The following PALLD variants were observed in gnomAD, a reference collection of about 807,000 sequenced individuals.
PALLD encodes the protein palladin.
In PALLD, 61 loss-of-function variants were observed where a neutral mutation model predicts 123.5. The observed-to-expected ratio is 0.49, with a 90% CI of 0.40 to 0.61. PALLD has a LOEUF of 0.61. PALLD is among the 20% of genes least tolerant of loss of function. PALLD has a pLI of 0.00. For synonymous variants in PALLD, 465 were observed against 496.4 expected (o/e 0.94, Z 0.84); for missense variants, 1,273 against 1,377.0 (o/e 0.92, Z 1.20).
chr4:168,503,655 AAAAAAAG>A (rs1390755983), intron 1 of PALLD, among the ~76,000 whole-genome samples: 3 of 152,118 alleles, frequency 2.0e-5, no homozygotes, highest in African/African-American at 7.2e-5. Context: ...TCAAAAAAAA[AAAAAAAG>A]AAAAAGAAAA....
rs773573348 is a variant in PALLD, at chr4:168,709,119, C to T, written c.1593C>T (p.Thr531=). Residue 531 remains threonine (T), a synonymous_variant, in exon 9 of 22, where the codon ACC becomes ACT. Coordinates refer to ENST00000505667, the MANE Select transcript of PALLD (RefSeq NM_001166108.2). ...CSARNDYGSA[T]STAQLVVTSA... The stretch of plus-strand genomic sequence containing the variant: ...CAAGAAATGATTATGGATCAGCAAC[C>T]AGCACTGCCCAGCTGGTTGTCACCT... The T allele has an allele frequency of 6.2e-7, 1 of 1,613,882 alleles. No homozygotes were observed. The highest frequency in any genetic ancestry group is 1.7e-5 in the Admixed American group (1 of 60,022).
intron 3 of PALLD, among the ~76,000 whole-genome samples, chr4:168,674,613 C>T (rs576630193): frequency 1.3e-5 from 2 of 152,214 alleles, no homozygotes; most frequent in African/African-American, 4.8e-5. Context: ...CAATCAGATG[C>T]GGGCCAGGAG....
chr4:168,802,643 A>G (rs2150689172), intron 10 of PALLD, among the ~76,000 whole-genome samples: 1 of 152,320 alleles, frequency 6.6e-6, no homozygotes, highest in Admixed American at 6.5e-5. Context: ...ATAAAAAGGA[A>G]CTATGCTAAA....
chr4:168,753,600 T>C (rs1731365557), intron 10 of PALLD, among the ~76,000 whole-genome samples: 2 of 152,116 alleles, frequency 1.3e-5, no homozygotes, highest in African/African-American at 4.8e-5. Flanking sequence ...AGTGTGTCAC[T>C]TCCAAGGCTG....
chr4:168,632,848 C>T (rs558842357), intron 2 of PALLD, among the ~76,000 whole-genome samples: 2 of 152,284 alleles, frequency 1.3e-5, no homozygotes, highest in South Asian at 2.1e-4. Flanking sequence ...ATTTGCATTA[C>T]AAGCATAGAG....
At chr4:168,549,553 G>A (rs1266456538) in intron 2 of PALLD, among the ~76,000 whole-genome samples, 1 of 151,920 alleles carries the variant, frequency 6.6e-6, no homozygotes, top group Non-Finnish European at 1.5e-5. Context: ...TAGTACTGAA[G>A]GATCTTGACA....
chr4:168,512,647 G>T (rs1028863035), intron 2 of PALLD, among the ~76,000 whole-genome samples: 6 of 152,116 alleles, frequency 3.9e-5, no homozygotes, highest in Non-Finnish European at 8.8e-5. Context: ...GACTTGAGAA[G>T]GCAAAGAGCA....
chr4:168,656,114 C>A (rs1235389956), intron 2 of PALLD, among the ~76,000 whole-genome samples: 3 of 152,104 alleles, frequency 2.0e-5, no homozygotes, highest in African/African-American at 7.2e-5. Context: ...GGAATGTAAT[C>A]CAAGTTACAA....
intron 2 of PALLD, among the ~76,000 whole-genome samples, chr4:168,519,593 T>C (rs1763333251): frequency 6.6e-6 from 1 of 152,220 alleles, no homozygotes; most frequent in Non-Finnish European, 1.5e-5. Context: ...GGATCTTTTA[T>C]GGTATAGTCT....
At chr4:168,688,398 G>A (rs1782288366) in intron 6 of PALLD, among the ~76,000 whole-genome samples, 1 of 152,184 alleles carries the variant, frequency 6.6e-6, no homozygotes, top group Admixed American at 6.5e-5. Flanking sequence ...CAGGACTGTG[G>A]GTAGCATGGA....
At chr4:168,602,158 G>A (rs187767811) in intron 2 of PALLD, among the ~76,000 whole-genome samples, 17 of 152,282 alleles carry the variant, frequency 1.1e-4, no homozygotes, top group Admixed American at 3.9e-4. Flanking sequence ...GCAACTAAGC[G>A]TCAAAAACCC....
At chr4:168,696,813 G>A (rs1783170164) in intron 8 of PALLD, among the ~76,000 whole-genome samples, 1 of 152,282 alleles carries the variant, frequency 6.6e-6, no homozygotes, top group East Asian at 1.9e-4. Flanking sequence ...ATGTAAGAGA[G>A]AAAAGGCAAC....
chr4:168,733,852 A>T lies in PALLD; in HGVS notation c.1964+21929A>T, dbSNP rs1173989572. Among the ~76,000 whole-genome samples the T allele has an allele frequency of 3.3e-5, 5 of 152,178 alleles. No individual in the cohort carries two copies. In the South Asian group the frequency reaches 8.3e-4, roughly 25 times the overall value. ...CAGGTTCATGCCATTCTCCTGCCTC[A>T]GCCTCCTGAGTAGCTGGGACTACAG... On this transcript the variant is annotated intron_variant, in intron 10 of 21. Transcript: ENST00000505667.
At chr4:168,776,628 T>C (rs747712737) in intron 10 of PALLD, among the ~76,000 whole-genome samples, 3 of 152,224 alleles carry the variant, frequency 2.0e-5, no homozygotes, top group Non-Finnish European at 4.4e-5. Context: ...TGATGTTAGC[T>C]GTGGTTCTTC....
In PALLD at chr4:168,927,333, G is replaced by A; in HGVS notation, c.*1153G>A. ...TCTTTGGTTTTCTTCAAACATAGGT[G>A]AAAAAAACACTGCCATTCACAAGTC... On this transcript the variant is annotated 3_prime_UTR_variant, in exon 22 of 22. Transcript: ENST00000505667. The A allele has an allele frequency of 8.6e-6, 2 of 232,436 alleles. No homozygotes were observed. Among genetic ancestry groups the A allele is most frequent in the Non-Finnish European group, 1.7e-5 (2 of 117,340 alleles). The allele number at this position is 232,436 out of a possible 1,614,324, so 14.4% of individuals were successfully genotyped here.
At chr4:168,621,709 C>T (rs1350364844) in intron 2 of PALLD, among the ~76,000 whole-genome samples, 1 of 152,146 alleles carries the variant, frequency 6.6e-6, no homozygotes, top group Non-Finnish European at 1.5e-5. Context: ...CTAAATGGCC[C>T]TTTTGCCATT....
chr4:168,723,441 C>A (rs938435013), intron 10 of PALLD, among the ~76,000 whole-genome samples: 1 of 152,154 alleles, frequency 6.6e-6, no homozygotes, highest in Non-Finnish European at 1.5e-5. Context: ...TCAGTTAAGA[C>A]AAAGCATTTC....
intron 2 of PALLD, among the ~76,000 whole-genome samples, chr4:168,617,645 T>C (rs1774357210): frequency 6.6e-6 from 1 of 152,210 alleles, no homozygotes. Context: ...CCTCACTTTT[T>C]CGTGTGCATT....
chr4:168,657,614 G>A (rs1291029586), intron 2 of PALLD, among the ~76,000 whole-genome samples: 1 of 152,200 alleles, frequency 6.6e-6, no homozygotes, highest in South Asian at 2.1e-4. Context: ...ATACTAACGA[G>A]CAGCCTGTAA....
Sources: allele counts gnomAD v4.1 joint callset (sites outside exome capture counted in the v4.1 genomes callset), GRCh38; gene constraint gnomAD v4.1.1; transcripts MANE v1.5; gene names NCBI Gene and HGNC (gene_info 2026-07-23, HGNC 2026-07-21).